LRP1B: variants seen among roughly 807,000 people sequenced by gnomAD.
The protein encoded by LRP1B is LDL receptor related protein 1B.
In LRP1B, 217 loss-of-function variants were observed where a neutral mutation model predicts 556.6. That is an observed-to-expected ratio of 0.39 (90% CI 0.35 to 0.44). The LOEUF is 0.44. Ranked by LOEUF, LRP1B falls within the 20% of genes least tolerant of loss-of-function variation. The pLI, the probability that LRP1B is intolerant of heterozygous loss-of-function variation, is 1.00. For synonymous variants in LRP1B, 2,047 were observed against 1,865.8 expected (o/e 1.10, Z -2.50); for missense variants, 5,053 against 5,620.8 (o/e 0.90, Z 3.23).
At chr2:141,326,567 G>T (rs536555265) in intron 3 of LRP1B, among the ~76,000 whole-genome samples, 8 of 152,216 alleles carry the variant, frequency 5.3e-5, no homozygotes, top group African/African-American at 1.9e-4. Flanking sequence ...TAAACCAGTG[G>T]TTCCCAACCG....
At chr2:142,111,494 G>A (rs1252241181) in intron 1 of LRP1B, among the ~76,000 whole-genome samples, 2 of 152,112 alleles carry the variant, frequency 1.3e-5, no homozygotes, top group African/African-American at 4.8e-5. Flanking sequence ...TGATCATGGG[G>A]CAAAGAAACA....
intron 66 of LRP1B, among the ~76,000 whole-genome samples, chr2:140,417,161 TG>T (rs1180527821): frequency 6.6e-6 from 1 of 152,102 alleles, no homozygotes. Context: ...AAAATGAACA[TG>T]AAGAACAGAA....
At chr2:142,116,797 G>A (rs1024312729) in intron 1 of LRP1B, among the ~76,000 whole-genome samples, 3 of 152,098 alleles carry the variant, frequency 2.0e-5, no homozygotes, top group Non-Finnish European at 2.9e-5. Flanking sequence ...TAATTCTTAT[G>A]TGAAACACAT....
chr2:140,325,718 C>G (rs750766421), intron 80 of LRP1B, 44 bp downstream of exon 80: 1 of 1,283,844 alleles, frequency 7.8e-7, no homozygotes, highest in East Asian at 2.3e-5. Context: ...GTATTTAACA[C>G]TCTCAGTAAC....
intron 3 of LRP1B, among the ~76,000 whole-genome samples, chr2:141,275,518 G>C (rs975139963): frequency 6.6e-6 from 1 of 152,000 alleles, no homozygotes; most frequent in Non-Finnish European, 1.5e-5. Flanking sequence ...AGATCAGCCT[G>C]GGCAACATGG....
intron 66 of LRP1B, among the ~76,000 whole-genome samples, chr2:140,440,566 T>C (rs1438490103): frequency 1.3e-5 from 2 of 152,188 alleles, no homozygotes; most frequent in African/African-American, 4.8e-5. Flanking sequence ...TCTGTATTTA[T>C]TGAGGACAAA....
chr2:141,758,601 T>C (rs9287323), intron 2 of LRP1B, among the ~76,000 whole-genome samples: 75,709 of 151,758 alleles, frequency 0.5, 19,216 homozygotes, highest in Admixed American at 0.56. Context: ...TTTAACAAGG[T>C]ATGTATTTAC....
intron 3 of LRP1B, among the ~76,000 whole-genome samples, chr2:141,452,501 A>C: frequency 6.6e-6 from 1 of 152,182 alleles, no homozygotes; most frequent in East Asian, 1.9e-4. Flanking sequence ...TGAATTCTAT[A>C]CTGTTTTCTG....
intron 79 of LRP1B, among the ~76,000 whole-genome samples, chr2:140,328,901 TTATTTAAC>T (rs1000705996): frequency 6.6e-5 from 10 of 152,014 alleles, no homozygotes; most frequent in Admixed American, 2.6e-4. Context: ...CATATCCACT[TTATTTAAC>T]TAGAGACATT....
At chr2:141,014,252 T>C (rs2105386763) in intron 13 of LRP1B, among the ~76,000 whole-genome samples, 1 of 152,202 alleles carries the variant, frequency 6.6e-6, no homozygotes, top group African/African-American at 2.4e-5. Context: ...TGAAGAAATC[T>C]TGGATCTGGC....
intron 41 of LRP1B, among the ~76,000 whole-genome samples, chr2:140,665,023 A>C (rs72979844): frequency 0.018 from 2,752 of 152,238 alleles, 83 homozygotes; most frequent in African/African-American, 0.062. Flanking sequence ...ATAGGAATTA[A>C]TAATTTGTAT....
intron 3 of LRP1B, among the ~76,000 whole-genome samples, chr2:141,398,568 C>T (rs936699442): frequency 1.3e-5 from 2 of 152,100 alleles, no homozygotes; most frequent in Admixed American, 6.6e-5. Context: ...CATCATTGTA[C>T]CCCCGGCTGA....
chr2:140,257,671 G>A (rs941597151), intron 86 of LRP1B, among the ~76,000 whole-genome samples: 8 of 152,074 alleles, frequency 5.3e-5, no homozygotes, highest in East Asian at 1.9e-4. Flanking sequence ...AGTTTTTCTC[G>A]GACTTTACTG....
At chr2:140,448,928 G>C (rs1442953356) in intron 63 of LRP1B, among the ~76,000 whole-genome samples, 3 of 151,910 alleles carry the variant, frequency 2.0e-5, no homozygotes, top group African/African-American at 7.2e-5. Context: ...ACCAAAACAA[G>C]GATCATAGAG....
chr2:140,369,675 A>AT (rs397986045), intron 71 of LRP1B, among the ~76,000 whole-genome samples: 50 of 151,984 alleles, frequency 3.3e-4, no homozygotes, highest in African/African-American at 1.1e-3. Context: ...AAAAAAAAAA[A>AT]CTATTTTTTT....
chr2:140,819,940 G>C (rs1691263460), intron 31 of LRP1B, among the ~76,000 whole-genome samples: 1 of 152,026 alleles, frequency 6.6e-6, no homozygotes, highest in Admixed American at 6.6e-5. Flanking sequence ...GCATTCCTGG[G>C]AATTTAACTC....
At position 141,515,879 on chromosome 2, in the gene LRP1B, C is replaced by T. The variant is rs377225854; in HGVS notation, c.206-35346G>A. Reference sequence around the variant, plus strand: ...CTTAAGAATGTTCTCATGCATAGAACGGTGGGTTTACATCTATCAGAATGT... The same window carrying T: ...CTTAAGAATGTTCTCATGCATAGAATGGTGGGTTTACATCTATCAGAATGT... On this transcript the variant is annotated intron_variant, in intron 2 of 90. Transcript: ENST00000389484. Among the ~76,000 whole-genome samples the T allele has an allele frequency of 4.4e-4, 67 of 152,180 alleles. 1 individual carries two copies. Among genetic ancestry groups the T allele is most frequent in the African/African-American group, 1.5e-3 (64 of 41,530 alleles).
intron 5 of LRP1B, among the ~76,000 whole-genome samples, chr2:141,235,928 T>C (rs1683633579): frequency 6.6e-6 from 1 of 152,148 alleles, no homozygotes; most frequent in South Asian, 2.1e-4. Context: ...GGCTATTGAA[T>C]GTCAAGATGA....
chr2:140,328,476 G>GA lies in LRP1B; in HGVS notation c.12224-2599dup, dbSNP rs71408448. ...CATTGTAGGCTGGAAGAAAATGAAA[G>GA]AAAAAAAAAAAGAAAATGAAGAAAA... On this transcript the variant is annotated intron_variant, in intron 79 of 90. Transcript: ENST00000389484. Among the ~76,000 whole-genome samples, 65 of 141,382 alleles carry GA rather than the reference G, an allele frequency of 4.6e-4. 1 individual carries two copies. Among genetic ancestry groups the GA allele is most frequent in the Middle Eastern group, 7.5e-3 (2 of 266 alleles). 92.8% of individuals were successfully genotyped at this position (141,382 alleles called of 152,430 possible).
Sources: allele counts gnomAD v4.1 joint callset (sites outside exome capture counted in the v4.1 genomes callset), GRCh38; gene constraint gnomAD v4.1.1; transcripts MANE v1.5; gene names NCBI Gene and HGNC (gene_info 2026-07-23, HGNC 2026-07-21).